Variants in AJAP1 observed in about 807,000 individuals in gnomAD.
The protein encoded by AJAP1 is adherens junctions associated protein 1.
Under a neutral mutation model 35.0 loss-of-function variants are expected in AJAP1, and 5 were observed. The observed-to-expected ratio is 0.14, with a 90% CI of 0.07 to 0.30. AJAP1 has a LOEUF of 0.30. Among genes scored for constraint, AJAP1 ranks in the 10% least tolerant of loss-of-function variants. AJAP1 has a pLI of 1.00. For synonymous variants in AJAP1, 284 were observed against 249.3 expected, an observed-to-expected ratio of 1.14 and a Z score of -1.31; for missense variants, 586 against 571.0, an observed-to-expected ratio of 1.03 and a Z score of -0.27.
At chr1:4,663,917 T>C (rs1270897247) in intron 1 of AJAP1, among the ~76,000 whole-genome samples, 3 of 152,272 alleles carry the variant, frequency 2.0e-5, no homozygotes, top group East Asian at 3.9e-4. Flanking sequence ...TCGGGAGGCC[T>C]GGGTGCGGGG....
intron 2 of AJAP1, among the ~76,000 whole-genome samples, chr1:4,767,966 A>T: frequency 6.6e-6 from 1 of 152,202 alleles, no homozygotes; most frequent in Non-Finnish European, 1.5e-5. Context: ...GCACATAGAT[A>T]GGGATTACCA....
intron 5 of AJAP1, among the ~76,000 whole-genome samples, chr1:4,779,869 G>T (rs1389921278): frequency 6.6e-6 from 1 of 152,142 alleles, no homozygotes; most frequent in African/African-American, 2.4e-5. Flanking sequence ...TTTAGGCCAG[G>T]CACGGTGGCT....
Position 4,783,067 on chromosome 1 carries a change from G to A in AJAP1, c.*582G>A. 1 of 379,634 alleles carries A rather than the reference G, an allele frequency of 2.6e-6. No individual in the cohort carries two copies. Among genetic ancestry groups the A allele is most frequent in the Non-Finnish European group, 4.6e-6 (1 of 216,106 alleles). The allele number at this position is 379,634 out of a possible 1,614,324, so 23.5% of individuals were successfully genotyped here. A position where few individuals can be genotyped will look rare whatever the true frequency, so the allele number is the denominator to read the frequency against. ...ACACACACACTTTTTTTGTACTGTA[G>A]CAATTTTTGAAGATCTTAAATGTTC... On this transcript the variant is annotated 3_prime_UTR_variant, in exon 6 of 6. Transcript: ENST00000378191.
intron 2 of AJAP1, among the ~76,000 whole-genome samples, chr1:4,769,412 C>T (rs72861307): frequency 0.012 from 1,823 of 152,320 alleles, 35 homozygotes; most frequent in African/African-American, 0.041. Context: ...GGCCAGCACC[C>T]TGGAGCTAAC....
rs528585079 is a variant in AJAP1, at chr1:4,772,101, A to G, written c.918-179A>G. ...AAATTTCATTTTTTTTTTTTAAAAA[A>G]AAAGAGTTGATTGCTTGATTGTGGT... is the stretch of plus-strand genomic sequence containing the variant. On this transcript the variant is annotated intron_variant, in intron 3 of 5. Coordinates refer to ENST00000378191, the MANE Select transcript of AJAP1 (RefSeq NM_018836.4). Among the ~76,000 whole-genome samples the G allele has an allele frequency of 1.8e-3, 271 of 151,714 alleles. 3 individuals carry two copies. Among genetic ancestry groups the G allele is most frequent in the Admixed American group, 7.5e-3 (115 of 15,244 alleles).
intron 2 of AJAP1, among the ~76,000 whole-genome samples, chr1:4,740,778 T>C (rs1196747494): frequency 7.8e-5 from 6 of 77,136 alleles, no homozygotes; most frequent in South Asian, 6.3e-4. Flanking sequence ...AGAGCAAGAC[T>C]CCGTCTCAAA....
intron 2 of AJAP1, among the ~76,000 whole-genome samples, chr1:4,717,629 G>A (rs139002045): frequency 7.9e-4 from 121 of 152,292 alleles, no homozygotes; most frequent in Middle Eastern, 6.8e-3. Context: ...GAGCGGGGAG[G>A]CCTTCCATGT....
intron 4 of AJAP1, among the ~76,000 whole-genome samples, chr1:4,772,767 C>G (rs968426284): frequency 1.3e-5 from 2 of 152,182 alleles, no homozygotes; most frequent in Non-Finnish European, 2.9e-5. Context: ...GACCCCTGGA[C>G]GTGGGCAGTG....
chr1:4,765,729 G>T (rs1255979435), intron 2 of AJAP1, among the ~76,000 whole-genome samples: 6 of 152,142 alleles, frequency 3.9e-5, no homozygotes, highest in African/African-American at 1.4e-4. Flanking sequence ...GAATCAAACT[G>T]GTACATTTCT....
Position 4,712,441 on chromosome 1 carries a change from G to T in AJAP1, c.571G>T (p.Ala191Ser). ...IAWGPTGDEE[A>S]LESNTFPGVY... The stretch of plus-strand genomic sequence containing the variant: ...CTGGGGGCCCACGGGGGACGAGGAG[G>T]CCCTGGAGTCCAACACATTTCCGGG... Residue 191 changes from alanine (A) to serine (S), a missense_variant, in exon 2 of 6, where the codon GCC (alanine) becomes TCC (serine). Ala to Ser is a moderately conservative substitution (Grantham distance 99). Coordinates refer to ENST00000378191, the MANE Select transcript of AJAP1 (RefSeq NM_018836.4). The T allele has an allele frequency of 6.2e-7, 1 of 1,608,456 alleles. No individual in the cohort carries two copies. Among genetic ancestry groups the T allele is most frequent in the Non-Finnish European group, 8.5e-7 (1 of 1,177,796 alleles).
rs1471585241 is a variant in AJAP1, at chr1:4,654,661, G to C, written c.-765G>C. The C allele has an allele frequency of 6.8e-6, 1 of 147,904 alleles. No individual in the cohort carries two copies. Among genetic ancestry groups the C allele is most frequent in the Non-Finnish European group, 1.5e-5 (1 of 66,208 alleles). The allele number at this position is 147,904 out of a possible 1,614,324, so 9.2% of individuals were successfully genotyped here. ...GCGCGGGCGGCTCTGCGGCGGGCGC[G>C]GTGGGCGCGGGCGGCGGGGCCCCGG... On this transcript the variant is annotated 5_prime_UTR_variant, in exon 1 of 6. Transcript: ENST00000378191. The surrounding 1 kb of genome is among the most constrained non-coding windows in gnomAD (Gnocchi z 5.1).
intron 1 of AJAP1, among the ~76,000 whole-genome samples, chr1:4,689,987 G>A (rs1639701944): frequency 1.3e-5 from 2 of 152,002 alleles, no homozygotes; most frequent in Non-Finnish European, 2.9e-5. Flanking sequence ...TTTCATCACT[G>A]CCCCCGGTTG....
At chr1:4,687,326 C>T (rs1038644064) in intron 1 of AJAP1, among the ~76,000 whole-genome samples, 2 of 152,192 alleles carry the variant, frequency 1.3e-5, no homozygotes, top group Non-Finnish European at 2.9e-5. Context: ...ACTGGTGCCT[C>T]AGCTGTTATT....
chr1:4,773,295 G>A (rs1323393733), intron 4 of AJAP1, among the ~76,000 whole-genome samples: 1 of 152,180 alleles, frequency 6.6e-6, no homozygotes, highest in African/African-American at 2.4e-5. Context: ...GGCTCCCCTG[G>A]AACCCAGGGC....
chr1:4,757,152 C>T (rs567208283), intron 2 of AJAP1, among the ~76,000 whole-genome samples: 1 of 152,148 alleles, frequency 6.6e-6, no homozygotes, highest in Non-Finnish European at 1.5e-5. Context: ...CAGTGGAGGC[C>T]GCCTCACTTC....
At chr1:4,679,028 G>A (rs74562680) in intron 1 of AJAP1, among the ~76,000 whole-genome samples, 4,162 of 152,260 alleles carry the variant, frequency 0.027, 113 homozygotes, top group East Asian at 0.074. Context: ...ACAATCAGGT[G>A]CACCTGCCCT....
At chr1:4,659,601 C>G (rs1422864681) in intron 1 of AJAP1, among the ~76,000 whole-genome samples, 2 of 152,188 alleles carry the variant, frequency 1.3e-5, no homozygotes, top group East Asian at 3.9e-4. Context: ...TGGGCGTGTC[C>G]CCAAGTACAT....
chr1:4,665,099 CA>C (rs1388690259), intron 1 of AJAP1, among the ~76,000 whole-genome samples: 1 of 152,014 alleles, frequency 6.6e-6, no homozygotes, highest in Non-Finnish European at 1.5e-5. Context: ...TCGACGCCCC[CA>C]CCCCCCTCTT....
intron 5 of AJAP1, among the ~76,000 whole-genome samples, chr1:4,781,604 G>A (rs1642064959): frequency 6.6e-6 from 1 of 152,232 alleles, no homozygotes; most frequent in Non-Finnish European, 1.5e-5. Context: ...CACAGATGAG[G>A]ATGCGGTAGC....
Sources: allele counts gnomAD v4.1 joint callset (sites outside exome capture counted in the v4.1 genomes callset), GRCh38; gene constraint gnomAD v4.1.1; non-coding constraint Gnocchi (gnomAD v3.1); transcripts MANE v1.5; gene names NCBI Gene and HGNC (gene_info 2026-07-23, HGNC 2026-07-21).